Variants in MBNL1 observed in about 807,000 individuals in gnomAD.
MBNL1 encodes muscleblind like splicing regulator 1, also known as muscleblind-like protein 1.
Under a neutral mutation model 42.2 loss-of-function variants are expected in MBNL1, and 8 were observed. The ratio of observed to expected loss-of-function variants is 0.19; its 90% CI spans 0.11 to 0.34. The LOEUF is 0.34. Ranked by LOEUF, MBNL1 falls within the 10% of genes least tolerant of loss-of-function variation. The pLI is 1.00. For synonymous variants in MBNL1, 169 were observed against 173.9 expected, an observed-to-expected ratio of 0.97 and a Z score of 0.22; for missense variants, 309 against 495.3, an observed-to-expected ratio of 0.62 and a Z score of 3.57.
In MBNL1 at chr3:152,447,019, T is replaced by G. The variant is rs143703575; in HGVS notation, c.808-601T>G. On this transcript the variant is annotated intron_variant, in intron 5 of 9. Transcript: ENST00000324210. ...TACATTGTAGAATGTTCTGAAGAAA[T>G]AGTCGGAGGACATAAAGAGTGTATT... Among the ~76,000 whole-genome samples the G allele has an allele frequency of 1.7e-4, 26 of 152,186 alleles. 1 individual carries two copies. The East Asian group carries it at 5.0e-3, about 29-fold the overall frequency.
At chr3:152,372,025 G>A (rs2096685630) in intron 2 of MBNL1, among the ~76,000 whole-genome samples, 1 of 151,886 alleles carries the variant, frequency 6.6e-6, no homozygotes, top group Admixed American at 6.6e-5. Flanking sequence ...CTCTAATCTT[G>A]TCTTCATGCT....
intron 3 of MBNL1, among the ~76,000 whole-genome samples, chr3:152,425,464 C>T (rs532928703): frequency 2.0e-5 from 3 of 151,930 alleles, no homozygotes; most frequent in South Asian, 2.1e-4. Context: ...AAAAATTAGC[C>T]GGGCATGGTG....
At chr3:152,440,987 A>G (rs959513327) in intron 4 of MBNL1, among the ~76,000 whole-genome samples, 9 of 152,182 alleles carry the variant, frequency 5.9e-5, no homozygotes, top group African/African-American at 1.9e-4. Context: ...ATTGGCCATT[A>G]ACTATTAAAT....
At chr3:152,368,699 G>A (rs1303839779) in intron 2 of MBNL1, among the ~76,000 whole-genome samples, 8 of 152,130 alleles carry the variant, frequency 5.3e-5, no homozygotes, top group African/African-American at 1.9e-4. Flanking sequence ...TTGAGCAGTA[G>A]TTTGTAGTTC....
Position 152,422,537 on chromosome 3 carries a change from T to G in MBNL1, c.345+7426T>G, listed in dbSNP as rs1428365988. ...CACCCCACTGTCAATATTAGACAGA[T>G]CAACGAGGCAGAAAATTAACAAGGA... On this transcript the variant is annotated intron_variant, in intron 3 of 9. Transcript: ENST00000324210. Among the ~76,000 whole-genome samples, 3 of 152,286 alleles carry G rather than the reference T, an allele frequency of 2.0e-5. No individual in the cohort carries two copies. In the East Asian group the frequency reaches 5.8e-4, roughly 29 times the overall value.
intron 2 of MBNL1, chr3:152,340,612 A>T (rs774650787): frequency 6.2e-7 from 1 of 1,614,062 alleles, no homozygotes; most frequent in Non-Finnish European, 8.5e-7. Flanking sequence ...GGAAACTATC[A>T]GCAGGCACCT....
intron 2 of MBNL1, among the ~76,000 whole-genome samples, chr3:152,351,951 A>G (rs1400842100): frequency 6.6e-6 from 1 of 152,216 alleles, no homozygotes; most frequent in East Asian, 1.9e-4. Flanking sequence ...CTTGGTCTCT[A>G]CTAATCCACT....
chr3:152,275,640 G>A (rs1465658480), intron 1 of MBNL1, among the ~76,000 whole-genome samples: 2 of 149,884 alleles, frequency 1.3e-5, no homozygotes, highest in Non-Finnish European at 3.0e-5. Context: ...CTCGGGAGGC[G>A]GAGGTTGCAG....
intron 1 of MBNL1, among the ~76,000 whole-genome samples, chr3:152,279,866 T>C (rs868601990): frequency 5.3e-5 from 8 of 152,280 alleles, no homozygotes; most frequent in African/African-American, 1.9e-4. Flanking sequence ...TATACATCAG[T>C]CTCTGCTCTC....
At chr3:152,256,041 A>C (rs983596269) in intron 2 of MBNL1, among the ~76,000 whole-genome samples, 1 of 152,190 alleles carries the variant, frequency 6.6e-6, no homozygotes, top group Non-Finnish European at 1.5e-5. Flanking sequence ...CATATGAGCA[A>C]ACATTTGCAA....
At chr3:152,351,246 A>G (rs115114096) in intron 2 of MBNL1, among the ~76,000 whole-genome samples, 578 of 152,302 alleles carry the variant, frequency 3.8e-3, no homozygotes, top group African/African-American at 0.013. Flanking sequence ...TTGCAAGGCA[A>G]ATAGTTGTTA....
At chr3:152,353,463 C>G (rs957562488) in intron 2 of MBNL1, among the ~76,000 whole-genome samples, 2 of 152,132 alleles carry the variant, frequency 1.3e-5, no homozygotes, top group African/African-American at 4.8e-5. Context: ...AGGAATTGAC[C>G]AAGCCACTAG....
chr3:152,446,851 T>C (rs1486701356), intron 5 of MBNL1: 1 of 1,074,572 alleles, frequency 9.3e-7, no homozygotes, highest in African/African-American at 1.6e-5. Flanking sequence ...TATCCTTTTT[T>C]CTGTTATAGA....
chr3:152,429,007 G>A (rs79419132), intron 3 of MBNL1, among the ~76,000 whole-genome samples: 19,609 of 152,068 alleles, frequency 0.13, 1,530 homozygotes, highest in African/African-American at 0.22. Context: ...TTTATTGAGC[G>A]CCTACTGTGT....
intron 2 of MBNL1, among the ~76,000 whole-genome samples, chr3:152,410,220 A>G (rs997771514): frequency 5.3e-5 from 8 of 152,130 alleles, no homozygotes; most frequent in African/African-American, 1.9e-4. Context: ...TTAAACACTT[A>G]ATCTAAATGT....
intron 2 of MBNL1, among the ~76,000 whole-genome samples, chr3:152,316,976 A>C (rs906511226): frequency 1.3e-5 from 2 of 152,120 alleles, no homozygotes; most frequent in Non-Finnish European, 2.9e-5. Context: ...TCTTATTCAT[A>C]GTTAGAAGGT....
At chr3:152,390,613 GCACACACA>G (rs3220073) in intron 2 of MBNL1, among the ~76,000 whole-genome samples, 60 of 147,252 alleles carry the variant, frequency 4.1e-4, no homozygotes, top group Admixed American at 1.3e-3. Flanking sequence ...GTATTGTTAT[GCACACACA>G]CACACACACA....
intron 2 of MBNL1, among the ~76,000 whole-genome samples, chr3:152,364,996 T>C (rs1314332848): frequency 6.6e-6 from 1 of 152,006 alleles, no homozygotes; most frequent in African/African-American, 2.4e-5. Flanking sequence ...TCTCACCGAG[T>C]TGTCTTTGAC....
chr3:152,276,521 G>C (rs1456457158), intron 1 of MBNL1, among the ~76,000 whole-genome samples: 1 of 152,182 alleles, frequency 6.6e-6, no homozygotes, highest in Non-Finnish European at 1.5e-5. Flanking sequence ...GATGCTGATA[G>C]GAGCTTGAGA....
Sources: allele counts gnomAD v4.1 joint callset (sites outside exome capture counted in the v4.1 genomes callset), GRCh38; gene constraint gnomAD v4.1.1; transcripts MANE v1.5; gene names NCBI Gene and HGNC (gene_info 2026-07-23, HGNC 2026-07-21).